The following OSBPL8 variants were observed in gnomAD, a reference collection of about 807,000 sequenced individuals.
The protein encoded by OSBPL8 is oxysterol-binding protein-related protein 8.
Under a neutral mutation model 125.5 loss-of-function variants are expected in OSBPL8, and 59 were observed. The observed-to-expected ratio is 0.47, with a 90% confidence interval of 0.38 to 0.58. OSBPL8 has a LOEUF of 0.58. OSBPL8 is among the 20% of genes least tolerant of loss of function. OSBPL8 has a pLI of 0.00. For missense variants in OSBPL8, 758 were observed against 1,047.8 expected (o/e 0.72, Z 3.82); for synonymous variants, 330 against 338.9 (o/e 0.97, Z 0.29).
intron 2 of OSBPL8, among the ~76,000 whole-genome samples, chr12:76,476,090 C>T (rs1876773646): frequency 6.6e-6 from 1 of 151,988 alleles, no homozygotes; most frequent in Non-Finnish European, 1.5e-5. Context: ...CCCTAAGAAA[C>T]AGAATATATA....
At chr12:76,508,805 C>T (rs1880687084) in intron 1 of OSBPL8, among the ~76,000 whole-genome samples, 1 of 152,138 alleles carries the variant, frequency 6.6e-6, no homozygotes, top group African/African-American at 2.4e-5. Flanking sequence ...CCTATATGGT[C>T]CAAAAAGGGA....
At chr12:76,454,569 A>G (rs772422302) in intron 3 of OSBPL8, among the ~76,000 whole-genome samples, 2 of 151,816 alleles carry the variant, frequency 1.3e-5, no homozygotes, top group Non-Finnish European at 2.9e-5. Context: ...GGTAGCTCAC[A>G]CTGTAATCCT....
In OSBPL8 at chr12:76,352,866, G is replaced by A. The variant is rs1440078873; in HGVS notation, c.*3023C>T. ...GACAGCCAAAAAGTGTGATTCCATC[G>A]AAAAGGCACTGTTAACAATACTCAG... On this transcript the variant is annotated 3_prime_UTR_variant, in exon 24 of 24. Transcript: ENST00000261183. 1.3e-5 allele frequency: 2 copies of A among 152,418 alleles called. No homozygotes were observed. Among genetic ancestry groups the A allele is most frequent in the African/African-American group, 4.8e-5 (2 of 41,410 alleles). The allele number at this position is 152,418 out of a possible 1,614,324, so 9.4% of individuals were successfully genotyped here.
At position 76,355,775 on chromosome 12, in the gene OSBPL8, A is replaced by G; in HGVS notation, c.*114T>C. The G allele has an allele frequency of 1.7e-6, 2 of 1,152,412 alleles. No homozygotes were observed. Among genetic ancestry groups the G allele is most frequent in the Middle Eastern group, 2.4e-4 (1 of 4,118 alleles). The allele number at this position is 1,152,412 out of a possible 1,614,324, so 71.4% of individuals were successfully genotyped here. On this transcript the variant is annotated 3_prime_UTR_variant, in exon 24 of 24. Coordinates refer to ENST00000261183, the MANE Select transcript of OSBPL8 (RefSeq NM_020841.5). ...GTCAATACCTCTACATTTATCTCCT[A>G]GGTTTTTTTGTTTTCGGAATATTGT...
intron 1 of OSBPL8, among the ~76,000 whole-genome samples, chr12:76,523,814 C>T (rs118142812): frequency 0.015 from 2,240 of 152,234 alleles, 19 homozygotes; most frequent in Middle Eastern, 0.041. Context: ...TTTATTACAG[C>T]AGCCCAAGCA....
intron 15 of OSBPL8, 143 bp downstream of exon 15, chr12:76,384,111 G>GA (rs1377615160): frequency 2.3e-6 from 1 of 440,440 alleles, no homozygotes; most frequent in Non-Finnish European, 4.0e-6. Flanking sequence ...TGAGTGGGCA[G>GA]AAAAAAGCCA....
intron 1 of OSBPL8, among the ~76,000 whole-genome samples, chr12:76,517,969 G>A (rs371563062): frequency 6.6e-6 from 1 of 152,270 alleles, no homozygotes; most frequent in South Asian, 2.1e-4. Context: ...AGATGTGGAG[G>A]GGACAAACAT....
intron 1 of OSBPL8, among the ~76,000 whole-genome samples, chr12:76,528,108 G>A (rs1950227813): frequency 1.3e-5 from 2 of 152,198 alleles, no homozygotes; most frequent in Non-Finnish European, 1.5e-5. Context: ...GGATCACGAG[G>A]TCAGGAGTTC....
At chr12:76,420,300 T>C (rs1001622247) in intron 4 of OSBPL8, among the ~76,000 whole-genome samples, 5 of 152,162 alleles carry the variant, frequency 3.3e-5, no homozygotes, top group Non-Finnish European at 7.4e-5. Flanking sequence ...ATGTACAATC[T>C]ATAGATGTCT....
At chr12:76,548,932 G>C (rs1483664484) in intron 1 of OSBPL8, among the ~76,000 whole-genome samples, 1 of 151,978 alleles carries the variant, frequency 6.6e-6, no homozygotes, top group African/African-American at 2.4e-5. Context: ...GAGGAGAAAA[G>C]GAGATAAATT....
At chr12:76,450,683 C>T (rs1873278740) in intron 4 of OSBPL8, among the ~76,000 whole-genome samples, 168 bp downstream of exon 4, 1 of 151,994 alleles carries the variant, frequency 6.6e-6, no homozygotes, top group Admixed American at 6.6e-5. Flanking sequence ...AAAGTGTACT[C>T]ATTTCAAGAG....
intron 5 of OSBPL8, among the ~76,000 whole-genome samples, chr12:76,403,047 A>G (rs1208926666): frequency 6.6e-6 from 1 of 152,198 alleles, no homozygotes; most frequent in African/African-American, 2.4e-5. Context: ...TATTTCTAAG[A>G]ACATATATAA....
intron 4 of OSBPL8, among the ~76,000 whole-genome samples, chr12:76,416,826 C>A (rs1337807342): frequency 1.3e-5 from 2 of 151,970 alleles, no homozygotes; most frequent in Non-Finnish European, 2.9e-5. Context: ...TTATTTTGGA[C>A]TTTCTATTTG....
intron 4 of OSBPL8, among the ~76,000 whole-genome samples, chr12:76,443,231 T>G (rs760391840): frequency 6.6e-6 from 1 of 152,194 alleles, no homozygotes; most frequent in South Asian, 2.1e-4. Flanking sequence ...TTATATATTC[T>G]CTCACAAAGC....
chr12:76,526,635 C>CTTTTT lies in OSBPL8; in HGVS notation c.-68+32757_-68+32761dup, dbSNP rs573409160. Among the ~76,000 whole-genome samples, 21 of 64,266 alleles carry CTTTTT rather than the reference C, an allele frequency of 3.3e-4. 1 individual carries two copies. The highest frequency in any genetic ancestry group is 7.7e-4 in the East Asian group (1 of 1,300). The allele number at this position is 64,266 out of a possible 152,430, so 42.2% of individuals were successfully genotyped here. A position where few individuals can be genotyped will look rare whatever the true frequency, so the allele number is the denominator to read the frequency against. ...TGTTATACTTGCTATCAGTAAATCT[C>CTTTTT]TTTTTTTTTTTTTTTTTTTTTTTTT... is the stretch of plus-strand genomic sequence containing the variant. On this transcript the variant is annotated intron_variant, in intron 1 of 23. Coordinates refer to ENST00000261183, the MANE Select transcript of OSBPL8 (RefSeq NM_020841.5).
At chr12:76,428,665 C>T (rs1011536264) in intron 4 of OSBPL8, among the ~76,000 whole-genome samples, 3 of 151,974 alleles carry the variant, frequency 2.0e-5, no homozygotes, top group East Asian at 1.9e-4. Context: ...TCAACCAACA[C>T]GAATTTAAGA....
intron 4 of OSBPL8, among the ~76,000 whole-genome samples, chr12:76,430,015 G>C (rs1367399635): frequency 6.6e-6 from 1 of 152,062 alleles, no homozygotes; most frequent in Non-Finnish European, 1.5e-5. Context: ...CTGGTAACAG[G>C]CCTGCTGACT....
chr12:76,442,406 G>A (rs1429311568), intron 4 of OSBPL8, among the ~76,000 whole-genome samples: 1 of 152,032 alleles, frequency 6.6e-6, no homozygotes, highest in Admixed American at 6.6e-5. Flanking sequence ...ATAGTTCTAT[G>A]AAGCAACTAC....
rs543544201 is a variant in OSBPL8 at position 76,357,576 on chromosome 12, T to C, written c.2435-848A>G. 1.5e-4 allele frequency among the ~76,000 whole-genome samples: 23 copies of C among 152,324 alleles called. No homozygotes were observed. The South Asian group carries it at 4.6e-3, about 30-fold the overall frequency. ...CTGGTATGCCACATGACTCCTGCTT[T>C]TAAACCTTTATTCGGTTCATTCCTC... On this transcript the variant is annotated intron_variant, in intron 22 of 23. Coordinates refer to ENST00000261183, the MANE Select transcript of OSBPL8 (RefSeq NM_020841.5).
Sources: allele counts gnomAD v4.1 joint callset (sites outside exome capture counted in the v4.1 genomes callset), GRCh38; gene constraint gnomAD v4.1.1; transcripts MANE v1.5; gene names NCBI Gene and HGNC (gene_info 2026-07-23, HGNC 2026-07-21).